The following MYO9B variants were observed in gnomAD, a reference collection of about 807,000 sequenced individuals.
The protein encoded by MYO9B is myosin IXB, also known as unconventional myosin-IXb.
Under a neutral mutation model 229.5 loss-of-function variants are expected in MYO9B, and 71 were observed. The observed-to-expected ratio is 0.31, with a 90% CI of 0.26 to 0.38. The LOEUF (loss-of-function observed/expected upper bound fraction) is 0.38. MYO9B is among the 10% of genes least tolerant of loss of function. The pLI is 1.00. For missense variants in MYO9B, 2,255 were observed against 2,920.5 expected, an observed-to-expected ratio of 0.77 and a Z score of 5.25; for synonymous variants, 1,185 against 1,235.8, an observed-to-expected ratio of 0.96 and a Z score of 0.86.
intron 2 of MYO9B, among the ~76,000 whole-genome samples, chr19:17,111,791 C>G (rs1477918043): frequency 6.6e-6 from 1 of 152,176 alleles, no homozygotes; most frequent in African/African-American, 2.4e-5. Context: ...CCCCACTTCC[C>G]TCTCCCAGGC....
intron 1 of MYO9B, among the ~76,000 whole-genome samples, chr19:17,088,131 T>C (rs149258851): frequency 6.6e-6 from 1 of 152,314 alleles, no homozygotes; most frequent in Non-Finnish European, 1.5e-5. Flanking sequence ...ACACTCCCTC[T>C]GGAGGCTCTA....
chr19:17,202,342 C>A (rs1330689641), intron 28 of MYO9B, 39 bp downstream of exon 28: 1 of 1,524,016 alleles, frequency 6.6e-7, no homozygotes, highest in South Asian at 1.2e-5. Flanking sequence ...TGTGACATGC[C>A]ACGCCTACCC....
intron 19 of MYO9B, among the ~76,000 whole-genome samples, chr19:17,189,055 G>A (rs1014079898): frequency 3.9e-5 from 6 of 151,980 alleles, no homozygotes; most frequent in African/African-American, 1.5e-4. Flanking sequence ...CAGCTACTTG[G>A]GAGGCTGAGG....
intron 1 of MYO9B, among the ~76,000 whole-genome samples, chr19:17,090,375 T>A (rs933655019): frequency 3.2e-4 from 48 of 152,110 alleles, no homozygotes; most frequent in Admixed American, 2.0e-4. Context: ...GGTCTTGAAC[T>A]CATGAGCTCA....
chr19:17,195,594 C>G lies in MYO9B; in HGVS notation c.4046+121C>G. The G allele has an allele frequency of 7.8e-7, 1 of 1,284,738 alleles. No individual in the cohort carries two copies. The highest frequency in any genetic ancestry group is 1.4e-5 in the South Asian group (1 of 71,362). The allele number at this position is 1,284,738 out of a possible 1,614,324, so 79.6% of individuals were successfully genotyped here. A position where few individuals can be genotyped will look rare whatever the true frequency, so the allele number is the denominator to read the frequency against. ...TCATGCCCAGTGGGTGTGCGGGAGG[C>G]CTGAGGGAGGAGGACGAGCAGGACA... On this transcript the variant is annotated intron_variant, in intron 22 of 39. Transcript: ENST00000682292. This position sits in a 1 kb window ranked among gnomAD's most constrained non-coding sequence, Gnocchi z 4.5.
At chr19:17,181,761 C>A (rs1414511003) in intron 15 of MYO9B, among the ~76,000 whole-genome samples, 1 of 152,076 alleles carries the variant, frequency 6.6e-6, no homozygotes, top group Admixed American at 6.6e-5. Flanking sequence ...TTCTTTCGTT[C>A]GTTCTTTATT....
intron 13 of MYO9B, among the ~76,000 whole-genome samples, chr19:17,175,280 A>T (rs1210257809): frequency 2.2e-5 from 1 of 46,178 alleles, no homozygotes; most frequent in Non-Finnish European, 3.7e-5. Flanking sequence ...GTAAAAAATT[A>T]AAAAAAAAAA....
Position 17,101,711 on chromosome 19 carries a change from C to T in MYO9B, c.-7C>T, listed in dbSNP as rs759879158. 20 of 1,557,176 alleles carry T rather than the reference C, an allele frequency of 1.3e-5. No individual in the cohort carries two copies. The highest frequency in any genetic ancestry group is 2.3e-5 in the South Asian group (2 of 86,580). ...GGGAGGCATGCTGAAGCCAGGCGGC[C>T]GGCAGGATGAGTGTGAAAGAGGCAG... On this transcript the variant is annotated 5_prime_UTR_variant, in exon 2 of 40. Coordinates refer to ENST00000682292, the MANE Select transcript of MYO9B (RefSeq NM_004145.4). This position sits in a 1 kb window ranked among gnomAD's most constrained non-coding sequence, Gnocchi z 4.7.
In MYO9B at chr19:17,195,087, G is replaced by A; in HGVS notation, c.3660G>A (p.Glu1220=). The A allele has an allele frequency of 1.2e-6, 2 of 1,612,908 alleles. No individual in the cohort carries two copies. Among genetic ancestry groups the A allele is most frequent in the Non-Finnish European group, 1.7e-6 (2 of 1,179,846 alleles). Residue 1220 remains glutamate, a synonymous_variant, in exon 22 of 40, where the codon GAG becomes GAA. Transcript: ENST00000682292. This position sits in a 1 kb window ranked among gnomAD's most constrained non-coding sequence, Gnocchi z 4.5. ...ACACATCTCAAAAGCAGCCCACAGAGCAACCCCAGGCCATGGCAGTTGGCA... is the reference window on the plus strand; with the variant it reads ...ACACATCTCAAAAGCAGCCCACAGAACAACCCCAGGCCATGGCAGTTGGCA... ...AENTSQKQPT[E]QPQAMAVGKV... is the part of the protein sequence containing the mutation.
intron 2 of MYO9B, among the ~76,000 whole-genome samples, chr19:17,144,969 CAAAAAAAAAAA>C (rs58527501): frequency 0.35 from 29,381 of 83,656 alleles, 3,598 homozygotes; most frequent in African/African-American, 0.47. Context: ...GACTTCATCT[CAAAAAAAAAAA>C]AAAAAAAAAA....
intron 2 of MYO9B, among the ~76,000 whole-genome samples, chr19:17,119,350 T>G (rs534058059): frequency 6.6e-6 from 1 of 152,318 alleles, no homozygotes; most frequent in African/African-American, 2.4e-5. Context: ...CCTGAGGCTC[T>G]GAGCAGGCTC....
At chr19:17,210,212 C>T in intron 36 of MYO9B, 121 bp from the exon 37 acceptor site, 1 of 1,004,820 alleles carries the variant, frequency 1.0e-6, no homozygotes, top group Non-Finnish European at 1.4e-6. Context: ...GGGGAACGGG[C>T]TCTGGGCTCC....
chr19:17,126,457 C>T (rs74402454), intron 2 of MYO9B, among the ~76,000 whole-genome samples: 3,808 of 152,232 alleles, frequency 0.025, 139 homozygotes, highest in African/African-American at 0.08. Context: ...TCTTTTCTCA[C>T]GAAAACCAGA....
At chr19:17,158,892 G>A (rs1360422648) in intron 7 of MYO9B, among the ~76,000 whole-genome samples, 2 of 152,158 alleles carry the variant, frequency 1.3e-5, no homozygotes, top group African/African-American at 4.8e-5. Context: ...AACCTGCCAA[G>A]TGTAAAACAG....
intron 21 of MYO9B, among the ~76,000 whole-genome samples, chr19:17,194,237 G>A (rs1261999807): frequency 6.6e-6 from 1 of 151,998 alleles, no homozygotes; most frequent in Admixed American, 6.6e-5. Flanking sequence ...AGACCCAAGG[G>A]AAAGCCCACA....
chr19:17,185,952 G>A lies in MYO9B; in HGVS notation c.2528G>A (p.Gly843Glu), dbSNP rs1462627222. The A allele has an allele frequency of 6.2e-7, 1 of 1,613,962 alleles. No homozygotes were observed. The highest frequency in any genetic ancestry group is 8.5e-7 in the Non-Finnish European group (1 of 1,179,850). ...CTTAACAAGCTCTTGGAGGCACTGG[G>A]GAAGGCGGAGCCCTTCTTTATCCGC... ...TSLNKLLEAL[G>E]KAEPFFIRCI... Residue 843 changes from glycine to glutamate, a missense_variant, in exon 18 of 40, where the codon GGG (glycine) becomes GAG (glutamate). By Grantham distance (98) the Gly-to-Glu change is moderately conservative. Coordinates refer to ENST00000682292, the MANE Select transcript of MYO9B (RefSeq NM_004145.4).
intron 1 of MYO9B, among the ~76,000 whole-genome samples, chr19:17,077,959 C>A (rs1050199504): frequency 2.6e-5 from 4 of 152,174 alleles, no homozygotes; most frequent in African/African-American, 9.7e-5. Flanking sequence ...GCAGTACCGT[C>A]CCTCGGGTCC....
intron 1 of MYO9B, among the ~76,000 whole-genome samples, chr19:17,092,498 G>A (rs931631200): frequency 2.0e-5 from 3 of 152,198 alleles, no homozygotes; most frequent in Non-Finnish European, 2.9e-5. Flanking sequence ...GGGCGAGGCG[G>A]CTGGATCACT....
At chr19:17,178,710 G>T (rs1025590564) in intron 14 of MYO9B, among the ~76,000 whole-genome samples, 1 of 152,102 alleles carries the variant, frequency 6.6e-6, no homozygotes, top group Non-Finnish European at 1.5e-5. Context: ...GTAAGGTTGA[G>T]TGCTTTGAGG....
Sources: gnomAD v4.1 joint callset for allele counts (sites outside exome capture counted in the v4.1 genomes callset) on GRCh38, gnomAD v4.1.1 for gene constraint, Gnocchi (gnomAD v3.1) non-coding constraint, MANE v1.5 for transcripts, NCBI Gene and HGNC (gene_info 2026-07-23, HGNC 2026-07-21) for gene names.